Variants in HAPSTR1 observed in about 807,000 individuals in gnomAD.
HAPSTR1 encodes the protein HUWE1 associated protein modifying stress responses.
chr16:9,093,944 C>G, the HAPSTR1 span, among the ~76,000 whole-genome samples: 2 of 151,404 alleles, frequency 1.3e-5, no homozygotes, highest in Admixed American at 1.3e-4. Context: ...TTGCTCAGAA[C>G]AGTAATGGAA....
chr16:9,094,795 T>C, the HAPSTR1 span, among the ~76,000 whole-genome samples: 1 of 152,324 alleles, frequency 6.6e-6, no homozygotes, highest in South Asian at 2.1e-4. Flanking sequence ...CAACACATTT[T>C]TAGTGTTTTT....
the HAPSTR1 span, chr16:9,118,313 A>G: frequency 6.6e-6 from 1 of 152,624 alleles, no homozygotes; most frequent in Admixed American, 6.5e-5. Context: ...TTAAAAGACC[A>G]TTGCAAATCA....
chr16:9,092,885 CTTTTTGGTTTTTT>C, the HAPSTR1 span: 3 of 1,512,918 alleles, frequency 2.0e-6, no homozygotes, highest in Non-Finnish European at 2.7e-6. Flanking sequence ...TTTCTTTTTT[CTTTTTGGTTTTTT>C]TTTTTTTTGG....
chr16:9,092,312 CGCCCGG>C, the HAPSTR1 span: 1 of 1,433,540 alleles, frequency 7.0e-7, no homozygotes, highest in South Asian at 1.4e-5. Context: ...TGGCCGCCCC[CGCCCGG>C]GCCCGGCCCC....
chr16:9,099,841 A>G, the HAPSTR1 span, among the ~76,000 whole-genome samples: 2 of 152,222 alleles, frequency 1.3e-5, no homozygotes, highest in African/African-American at 2.4e-5. Flanking sequence ...TCCAGTAAGC[A>G]TGCAGGTCTC....
At chr16:9,121,496 A>G in the HAPSTR1 span, 2 of 152,210 alleles carry the variant, frequency 1.3e-5, no homozygotes, top group African/African-American at 4.8e-5. Context: ...ATGAAGGAAG[A>G]CTTTTTGCTT....
At chr16:9,110,548 T>G in the HAPSTR1 span, 7 of 152,198 alleles carry the variant, frequency 4.6e-5, no homozygotes, top group East Asian at 5.8e-4. Flanking sequence ...GTTACCACAT[T>G]TTTTTGAGAA....
chr16:9,100,341 C>G, the HAPSTR1 span, among the ~76,000 whole-genome samples: 97 of 152,264 alleles, frequency 6.4e-4, no homozygotes, highest in Middle Eastern at 3.4e-3. Flanking sequence ...CCATTAGTCC[C>G]TTGCAGATCT....
At chr16:9,091,950 T>C in the HAPSTR1 span, 3 of 1,123,128 alleles carry the variant, frequency 2.7e-6, no homozygotes, top group Non-Finnish European at 3.5e-6. Context: ...CGCCAGGCCC[T>C]GCCGCCGGGC....
At chr16:9,094,140 TAC>T in the HAPSTR1 span, among the ~76,000 whole-genome samples, 2 of 152,312 alleles carry the variant, frequency 1.3e-5, no homozygotes, top group East Asian at 1.9e-4. Flanking sequence ...TTGAGTAGAC[TAC>T]AGTTTTTTGG....
At chr16:9,100,790 C>T in the HAPSTR1 span, among the ~76,000 whole-genome samples, 1 of 152,124 alleles carries the variant, frequency 6.6e-6, no homozygotes, top group Non-Finnish European at 1.5e-5. Flanking sequence ...CCACCTTGGC[C>T]TCCCAAAGTG....
the HAPSTR1 span, chr16:9,092,143 A>G: frequency 9.0e-6 from 14 of 1,558,318 alleles, no homozygotes; most frequent in Non-Finnish European, 1.2e-5. Context: ...CCGAGGCCGA[A>G]CAGGACGAGC....
chr16:9,092,340 C>T, the HAPSTR1 span: 14 of 1,233,190 alleles, frequency 1.1e-5, no homozygotes, highest in East Asian at 1.3e-4. Context: ...GCCCTATCGG[C>T]TCAGCGGCCG....
At chr16:9,112,070 T>C in the HAPSTR1 span, 3 of 152,236 alleles carry the variant, frequency 2.0e-5, no homozygotes, top group African/African-American at 7.2e-5. Context: ...TTAGTGTGCT[T>C]TATTTCAATA....
the HAPSTR1 span, chr16:9,106,646 G>C: frequency 6.6e-6 from 1 of 151,976 alleles, no homozygotes; most frequent in South Asian, 2.1e-4. Flanking sequence ...GACTAATTCA[G>C]TGCTTTATTT....
the HAPSTR1 span, chr16:9,091,983 G>C: frequency 9.9e-6 from 13 of 1,318,472 alleles, no homozygotes; most frequent in Non-Finnish European, 1.3e-5. Context: ...ACGCTCCCGC[G>C]GGGGCCCCGC....
chr16:9,091,663 TC>T, the HAPSTR1 span: 3 of 398,054 alleles, frequency 7.5e-6, no homozygotes, highest in Middle Eastern at 1.3e-3. Flanking sequence ...TGGGGTGGGC[TC>T]CGCGGTGCAG....
At chr16:9,094,420 TAAAA>T in the HAPSTR1 span, among the ~76,000 whole-genome samples, 3 of 151,534 alleles carry the variant, frequency 2.0e-5, no homozygotes, top group African/African-American at 7.3e-5. Flanking sequence ...AATACTTAAT[TAAAA>T]AAAAGGTTTC....
chr16:9,114,135 G>C, the HAPSTR1 span, among the ~76,000 whole-genome samples: 4 of 152,266 alleles, frequency 2.6e-5, no homozygotes, highest in East Asian at 7.7e-4. Context: ...TTTTTTAAAA[G>C]TAAGCTTGTG....
Sources: gnomAD v4.1 joint callset for allele counts (sites outside exome capture counted in the v4.1 genomes callset) on GRCh38, gnomAD v4.1.1 for gene constraint, MANE v1.5 for transcripts, NCBI Gene and HGNC (gene_info 2026-07-23, HGNC 2026-07-21) for gene names.